GNA14: variants seen among roughly 807,000 people sequenced by gnomAD.
The protein encoded by GNA14 is G protein subunit alpha 14, also known as guanine nucleotide-binding protein subunit alpha-14.
A neutral mutation model predicts 42.0 loss-of-function variants in GNA14; 50 were observed. That is an observed-to-expected ratio of 1.19 (90% CI 0.95 to 1.51). GNA14 has a LOEUF of 1.51. Ranked by LOEUF, GNA14 falls within the 40% of genes most tolerant of loss-of-function variation. GNA14 has a pLI of 0.00. For missense variants in GNA14, 473 were observed against 446.2 expected (o/e 1.06, Z -0.54); for synonymous variants, 173 against 163.1 (o/e 1.06, Z -0.46).
In GNA14 at chr9:77,522,260, C is replaced by T. The variant is rs144699749; in HGVS notation, c.309+6809G>A. Among the ~76,000 whole-genome samples the T allele has an allele frequency of 1.9e-3, 291 of 152,304 alleles. 4 individuals are homozygous for T. The highest frequency in any genetic ancestry group is 0.01 in the Middle Eastern group (3 of 294). On this transcript the variant is annotated intron_variant, in intron 2 of 6. Coordinates refer to ENST00000341700, the MANE Select transcript of GNA14 (RefSeq NM_004297.4). ...CAGTAGGAGAAGGCAGGCAAGAAGGCGCCATTGATGAGACCTTGAGAGAAT... is the reference window on the plus strand; with the variant it reads ...CAGTAGGAGAAGGCAGGCAAGAAGGTGCCATTGATGAGACCTTGAGAGAAT...
chr9:77,470,816 C>G (rs1283452693), intron 2 of GNA14, among the ~76,000 whole-genome samples: 1 of 152,114 alleles, frequency 6.6e-6, no homozygotes, highest in Non-Finnish European at 1.5e-5. Flanking sequence ...GGGAAGCAAG[C>G]ACGTTTTACC....
chr9:77,629,197 T>TA (rs1274527759), intron 1 of GNA14, among the ~76,000 whole-genome samples: 3 of 152,166 alleles, frequency 2.0e-5, no homozygotes, highest in African/African-American at 7.2e-5. Flanking sequence ...TCACGCCAGT[T>TA]AGAATGGCGA....
chr9:77,507,198 G>C (rs1316875591), intron 2 of GNA14, among the ~76,000 whole-genome samples: 1 of 152,168 alleles, frequency 6.6e-6, no homozygotes, highest in African/African-American at 2.4e-5. Flanking sequence ...TCTTTTAAAA[G>C]TCAGAACACT....
chr9:77,505,037 C>A lies in GNA14; in HGVS notation c.309+24032G>T, dbSNP rs75773142. On this transcript the variant is annotated intron_variant, in intron 2 of 6. Transcript: ENST00000341700. ...AAAGTCCCTAATCATTTGTACTCCC[C>A]CTTGCCTGGGAGAATGTAGAATTAG... 5.8e-3 allele frequency among the ~76,000 whole-genome samples: 877 copies of A among 152,190 alleles called. 11 individuals are homozygous for A. Among genetic ancestry groups the A allele is most frequent in the African/African-American group, 0.02 (838 of 41,530 alleles).
intron 1 of GNA14, among the ~76,000 whole-genome samples, chr9:77,534,573 A>C (rs763876686): frequency 1.1e-4 from 16 of 152,234 alleles, no homozygotes; most frequent in Admixed American, 3.3e-4. Flanking sequence ...AACCATCGTG[A>C]GAAGCCACTG....
chr9:77,558,955 A>T (rs1487498845), intron 1 of GNA14, among the ~76,000 whole-genome samples: 1 of 152,000 alleles, frequency 6.6e-6, no homozygotes, highest in Non-Finnish European at 1.5e-5. Flanking sequence ...AAACAAACAA[A>T]CAAAAAACCT....
chr9:77,528,241 T>C (rs1837472359), intron 2 of GNA14, among the ~76,000 whole-genome samples: 1 of 152,284 alleles, frequency 6.6e-6, no homozygotes, highest in East Asian at 1.9e-4. Flanking sequence ...ACTAGCTAAA[T>C]TCCTTCTTCA....
intron 2 of GNA14, among the ~76,000 whole-genome samples, chr9:77,438,325 G>C (rs542347483): frequency 1.3e-5 from 2 of 151,836 alleles, no homozygotes; most frequent in East Asian, 3.9e-4. Context: ...GGAGCACAAC[G>C]GCGCGATCTC....
chr9:77,586,716 T>C (rs991777016), intron 1 of GNA14, among the ~76,000 whole-genome samples: 10 of 152,190 alleles, frequency 6.6e-5, no homozygotes, highest in Non-Finnish European at 1.2e-4. Flanking sequence ...GGACCAGGTG[T>C]GTCATTTACA....
rs150747889 is a variant in GNA14, at chr9:77,556,797, G to A, written c.125-27544C>T. Among the ~76,000 whole-genome samples, 145 of 152,286 alleles carry A rather than the reference G, an allele frequency of 9.5e-4. 1 individual carries two copies. The highest frequency in any genetic ancestry group is 3.3e-3 in the South Asian group (16 of 4,826). Reference sequence around the variant, plus strand: ...CTTAATCATGGTAACCTAGCATGGGGTTAGAGTTAAGGCACAGTTAAGAAT... The same window carrying A: ...CTTAATCATGGTAACCTAGCATGGGATTAGAGTTAAGGCACAGTTAAGAAT... On this transcript the variant is annotated intron_variant, in intron 1 of 6. Transcript: ENST00000341700.
intron 1 of GNA14, among the ~76,000 whole-genome samples, chr9:77,598,711 G>T (rs1480203619): frequency 6.6e-6 from 1 of 152,182 alleles, no homozygotes; most frequent in Non-Finnish European, 1.5e-5. Flanking sequence ...AGTAATTCCT[G>T]ATCTAACCCT....
chr9:77,601,771 G>A (rs1010186696), intron 1 of GNA14, among the ~76,000 whole-genome samples: 2 of 152,240 alleles, frequency 1.3e-5, no homozygotes, highest in South Asian at 2.1e-4. Context: ...CCATCTGACG[G>A]AAGCCCACTG....
chr9:77,646,656 T>C (rs1277593929), intron 1 of GNA14, among the ~76,000 whole-genome samples: 16 of 152,238 alleles, frequency 1.1e-4, no homozygotes, highest in Non-Finnish European at 2.4e-4. Flanking sequence ...AAGATTCCTG[T>C]TCAAAAGGGG....
chr9:77,525,917 A>G (rs1300747783), intron 2 of GNA14, among the ~76,000 whole-genome samples: 4 of 150,308 alleles, frequency 2.7e-5, no homozygotes, highest in South Asian at 2.1e-4. Context: ...TTTAAAAAAA[A>G]AAAAAAACGG....
At chr9:77,631,241 T>C (rs1368761269) in intron 1 of GNA14, among the ~76,000 whole-genome samples, 2 of 152,152 alleles carry the variant, frequency 1.3e-5, no homozygotes, top group Non-Finnish European at 2.9e-5. Context: ...CATCTTCCTC[T>C]AGAAGGGAAG....
chr9:77,580,173 C>A (rs1285479809), intron 1 of GNA14: 2 of 235,998 alleles, frequency 8.5e-6, no homozygotes, highest in Admixed American at 5.0e-5. Flanking sequence ...ACAAACCACA[C>A]TGGGTTGTTG....
intron 2 of GNA14, among the ~76,000 whole-genome samples, chr9:77,444,225 C>T (rs970432446): frequency 4.6e-5 from 7 of 152,180 alleles, no homozygotes; most frequent in Non-Finnish European, 8.8e-5. Flanking sequence ...GGCAGAAGGA[C>T]GCATCCACTT....
chr9:77,449,935 A>G (rs1434080042), intron 2 of GNA14, among the ~76,000 whole-genome samples: 1 of 152,054 alleles, frequency 6.6e-6, no homozygotes, highest in Non-Finnish European at 1.5e-5. Context: ...TCAGACCCCT[A>G]CCGCCTCCCT....
intron 1 of GNA14, among the ~76,000 whole-genome samples, chr9:77,611,557 C>T (rs987326933): frequency 1.3e-5 from 2 of 152,152 alleles, no homozygotes; most frequent in Admixed American, 6.6e-5. Flanking sequence ...ACACAAGAAA[C>T]ATGAGATGCC....
Sources: gnomAD v4.1 joint callset for allele counts (sites outside exome capture counted in the v4.1 genomes callset) on GRCh38, gnomAD v4.1.1 for gene constraint, MANE v1.5 for transcripts, NCBI Gene and HGNC (gene_info 2026-07-23, HGNC 2026-07-21) for gene names.